USP1: variants seen among roughly 807,000 people sequenced by gnomAD.
The protein encoded by USP1 is ubiquitin specific peptidase 1.
In USP1, 18 loss-of-function variants were observed where a neutral mutation model predicts 72.2. The observed-to-expected ratio is 0.25, with a 90% confidence interval of 0.17 to 0.37. USP1 has a LOEUF of 0.37. USP1 is among the 10% of genes least tolerant of loss of function. USP1 has a pLI of 1.00. For missense variants in USP1, 759 were observed against 884.9 expected, an observed-to-expected ratio of 0.86 and a Z score of 1.81; for synonymous variants, 354 against 303.7, an observed-to-expected ratio of 1.17 and a Z score of -1.72.
In USP1 at chr1:62,440,955, A is replaced by G. The variant is rs76790131; in HGVS notation, c.171-533A>G. On this transcript the variant is annotated intron_variant, in intron 2 of 8. Transcript: ENST00000339950. Reference sequence around the variant, plus strand: ...TCCCAAGTAGCTGGAATTACATGTCAATGCCCCCACACCCACATTCTGAAC... The same window carrying G: ...TCCCAAGTAGCTGGAATTACATGTCGATGCCCCCACACCCACATTCTGAAC... Among the ~76,000 whole-genome samples the G allele has an allele frequency of 3.0e-3, 453 of 151,872 alleles. 5 individuals carry two copies. The highest frequency in any genetic ancestry group is 0.01 in the African/African-American group (422 of 41,420).
At chr1:62,448,794 A>G in intron 8 of USP1, 128 bp downstream of exon 8, 1 of 974,898 alleles carries the variant, frequency 1.0e-6, no homozygotes, top group Non-Finnish European at 1.5e-6. Context: ...TTGCTTCAGT[A>G]AAGTTTTGTT....
intron 6 of USP1, among the ~76,000 whole-genome samples, chr1:62,446,508 A>C (rs1424994844): frequency 6.6e-6 from 1 of 152,246 alleles, no homozygotes; most frequent in African/African-American, 2.4e-5. Flanking sequence ...GTATTTGTGT[A>C]TCTAAGACGT....
intron 6 of USP1, 51 bp from the exon 7 acceptor site, chr1:62,447,290 A>C (rs770317274): frequency 1.3e-6 from 2 of 1,523,538 alleles, no homozygotes; most frequent in Non-Finnish European, 1.8e-6. Context: ...TATTTGGACT[A>C]TAATGAGAAA....
At chr1:62,444,427 T>A (rs1322221085) in intron 5 of USP1, among the ~76,000 whole-genome samples, 1 of 152,138 alleles carries the variant, frequency 6.6e-6, no homozygotes, top group Non-Finnish European at 1.5e-5. Flanking sequence ...CTCATAGGGT[T>A]ATTGTGAAGA....
rs1191375255 is a variant in USP1 at position 62,450,978 on chromosome 1, A to G, written c.2355A>G (p.Leu785=). ...CTTACTTGCTATTTTATAAGAAATT[A>G]TAGAGTGAGTGTATTTTCCTTGTGT... ...STPYLLFYKK[L] is the part of the protein sequence containing the mutation. The change falls in exon 9 of 9, where the codon TTA becomes TTG. Residue 785 remains leucine (L), a synonymous_variant. Coordinates refer to ENST00000339950, the MANE Select transcript of USP1 (RefSeq NM_003368.5). 5 of 1,581,156 alleles carry G rather than the reference A, an allele frequency of 3.2e-6. No individual in the cohort carries two copies. Among genetic ancestry groups the G allele is most frequent in the Non-Finnish European group, 3.4e-6 (4 of 1,169,992 alleles).
At chr1:62,439,046 C>T (rs1430230153) in intron 1 of USP1, among the ~76,000 whole-genome samples, 1 of 152,180 alleles carries the variant, frequency 6.6e-6, no homozygotes, top group East Asian at 1.9e-4. Context: ...ATGTTAATAA[C>T]TAGAAAAGGC....
intron 1 of USP1, among the ~76,000 whole-genome samples, chr1:62,439,030 A>G (rs1645113452): frequency 1.3e-5 from 2 of 152,182 alleles, no homozygotes; most frequent in Non-Finnish European, 2.9e-5. Context: ...TTATTTTCAT[A>G]TATCCATGTT....
Position 62,440,046 on chromosome 1 carries a change from C to T in USP1, c.170+9C>T. 1 of 1,462,756 alleles carries T rather than the reference C, an allele frequency of 6.8e-7. No homozygotes were observed. Among genetic ancestry groups the T allele is most frequent in the Non-Finnish European group, 9.0e-7 (1 of 1,107,300 alleles). The allele number at this position is 1,462,756 out of a possible 1,614,324, so 90.6% of individuals were successfully genotyped here. On this transcript the variant is annotated intron_variant, in intron 2 of 8. Coordinates refer to ENST00000339950, the MANE Select transcript of USP1 (RefSeq NM_003368.5). ...TATAGAGCATCTGAAATGTATGTAT[C>T]TTACATTTCTGTACTTTAAAAATTC...
In USP1 at chr1:62,437,106, G is replaced by C. The variant is rs1292963209; in HGVS notation, c.-364G>C. 1.5e-5 allele frequency: 6 copies of C among 399,010 alleles called. No individual in the cohort carries two copies. The highest frequency in any genetic ancestry group is 2.2e-5 in the Non-Finnish European group (5 of 226,144). The allele number at this position is 399,010 out of a possible 1,614,324, so 24.7% of individuals were successfully genotyped here. On this transcript the variant is annotated 5_prime_UTR_variant, in exon 1 of 9. Coordinates refer to ENST00000339950, the MANE Select transcript of USP1 (RefSeq NM_003368.5). Reference sequence around the variant, plus strand: ...TGCTAAAGACCCTAGCGGTTCAGGCGTTCGGCGAGCGGGGCCGCTGCTTGT... The same window carrying C: ...TGCTAAAGACCCTAGCGGTTCAGGCCTTCGGCGAGCGGGGCCGCTGCTTGT...
intron 2 of USP1, among the ~76,000 whole-genome samples, chr1:62,440,279 G>A (rs1361522043): frequency 6.6e-6 from 1 of 152,052 alleles, no homozygotes; most frequent in Admixed American, 6.6e-5. Context: ...CTAACTTGGA[G>A]AAATATTTGT....
chr1:62,444,710 T>G, intron 5 of USP1, 28 bp from the exon 6 acceptor site: 1 of 1,489,666 alleles, frequency 6.7e-7, no homozygotes, highest in Non-Finnish European at 8.9e-7. Flanking sequence ...AAAACTAGAA[T>G]AGATGAAATG....
Position 62,444,883 on chromosome 1 carries a change from G to C in USP1, c.703G>C (p.Glu235Gln). ...NVAELPTKVEEIPHPKEEMNG... is the reference protein window; with the variant it reads ...NVAELPTKVEQIPHPKEEMNG... ...GGCAGAATTACCTACTAAGGTAGAA[G>C]AAATACCTCATCCGAAAGAGGAAAT... is the stretch of plus-strand genomic sequence containing the variant. Residue 235 changes from glutamate to glutamine, a missense_variant, in exon 6 of 9, where the codon GAA becomes CAA. This residue lies in a region of USP1 where 245 missense variants were observed against 240.7 expected (regional missense o/e 1.02). Coordinates refer to ENST00000339950, the MANE Select transcript of USP1 (RefSeq NM_003368.5). The C allele has an allele frequency of 6.2e-7, 1 of 1,613,560 alleles. No homozygotes were observed. Among genetic ancestry groups the C allele is most frequent in the South Asian group, 1.1e-5 (1 of 91,026 alleles).
In USP1 at chr1:62,450,507, TGAG is replaced by T. The variant is rs1383828475; in HGVS notation, c.1890_1892del (p.Glu631del). 6.2e-7 allele frequency: 1 copy of T among 1,614,044 alleles called. No individual in the cohort carries two copies. The highest frequency in any genetic ancestry group is 1.3e-5 in the African/African-American group (1 of 75,018). ...AAATAGGTAAGCCAGAACCATTGAA[TGAG>T]GAGGAAGCAAGGGGTGTGGTTGAGA... On this transcript the variant is annotated inframe_deletion, in exon 9 of 9. Transcript: ENST00000339950.
chr1:62,451,032 G>A lies in USP1; in HGVS notation c.*51G>A. 2 of 1,466,852 alleles carry A rather than the reference G, an allele frequency of 1.4e-6. No homozygotes were observed. Among genetic ancestry groups the A allele is most frequent in the Non-Finnish European group, 1.8e-6 (2 of 1,107,714 alleles). The allele number at this position is 1,466,852 out of a possible 1,614,324, so 90.9% of individuals were successfully genotyped here. On this transcript the variant is annotated 3_prime_UTR_variant, in exon 9 of 9. Coordinates refer to ENST00000339950, the MANE Select transcript of USP1 (RefSeq NM_003368.5). ...TATTAAACACACCCATACAAACATTGGTAAAGTTGATTACATCAAAGAATC... is the reference window on the plus strand; with the variant it reads ...TATTAAACACACCCATACAAACATTAGTAAAGTTGATTACATCAAAGAATC...
At position 62,445,284 on chromosome 1, in the gene USP1, A is replaced by G; in HGVS notation, c.1104A>G (p.Lys368=). Residue 368 remains lysine (K), a synonymous_variant, in exon 6 of 9, where the codon AAA becomes AAG. Transcript: ENST00000339950. The part of the protein sequence containing the change: ...LGKITTNQGV[K]GQSKENECDP... ...AAATAACAACAAACCAAGGAGTCAA[A>G]GGACAATCTAAAGAAAATGAATGTG... 6.2e-7 allele frequency: 1 copy of G among 1,613,800 alleles called. No individual in the cohort carries two copies. The highest frequency in any genetic ancestry group is 8.5e-7 in the Non-Finnish European group (1 of 1,179,904).
rs1022498456 is a variant in USP1, at chr1:62,437,085, A to G, written c.-385A>G. 1.4e-4 allele frequency: 56 copies of G among 398,910 alleles called. No homozygotes were observed. The Admixed American group carries it at 1.7e-3, about 12-fold the overall frequency. 24.7% of individuals were successfully genotyped at this position (398,910 alleles called of 1,614,324 possible). ...AAGTTCCCCTCGGTGGCGGAGTGCT[A>G]AAGACCCTAGCGGTTCAGGCGTTCG... On this transcript the variant is annotated 5_prime_UTR_variant, in exon 1 of 9. Coordinates refer to ENST00000339950, the MANE Select transcript of USP1 (RefSeq NM_003368.5).
Position 62,442,197 on chromosome 1 carries a change from A to G in USP1, c.294A>G (p.Val98=), listed in dbSNP as rs1471699032. The change falls in exon 4 of 9, where the codon GTA becomes GTG. Residue 98 remains valine (V), a splice_region_variant and synonymous_variant. Transcript: ENST00000339950. ...NTCYLNSILQ[V]LYFCPGFKSG... is the part of the protein sequence containing the mutation. ...TAAGACAATCTCACTTTTTATAGGT[A>G]TTATATTTTTGTCCCGGTTTTAAAT... 6.4e-7 allele frequency: 1 copy of G among 1,554,282 alleles called. No homozygotes were observed. Among genetic ancestry groups the G allele is most frequent in the Admixed American group, 1.8e-5 (1 of 56,810 alleles).
intron 1 of USP1, among the ~76,000 whole-genome samples, chr1:62,437,687 C>T (rs1032512627): frequency 1.3e-5 from 2 of 152,228 alleles, no homozygotes; most frequent in African/African-American, 4.8e-5. Context: ...ACCGGGCAGC[C>T]TGGTCGCTGC....
chr1:62,448,355 G>T, intron 7 of USP1, 110 bp from the exon 8 acceptor site: 1 of 1,025,232 alleles, frequency 9.8e-7, no homozygotes. Flanking sequence ...TAGTTATTTA[G>T]GAATGGGTCG....
Sources: gnomAD v4.1 joint callset for allele counts (sites outside exome capture counted in the v4.1 genomes callset) on GRCh38, gnomAD v4.1.1 for gene constraint, gnomAD v4.1.1 regional missense constraint, MANE v1.5 for transcripts, NCBI Gene and HGNC (gene_info 2026-07-23, HGNC 2026-07-21) for gene names.